Variants in JAKMIP3 observed in about 807,000 individuals in gnomAD.
JAKMIP3 encodes janus kinase and microtubule-interacting protein 3.
A neutral mutation model predicts 118.5 loss-of-function variants in JAKMIP3; 58 were observed. The ratio of observed to expected loss-of-function variants is 0.49; its 90% CI spans 0.40 to 0.61. The LOEUF is 0.61. Among genes scored for constraint, JAKMIP3 ranks in the 20% least tolerant of loss-of-function variants. The pLI is 0.00. For missense variants in JAKMIP3, 950 were observed against 1,109.0 expected (o/e 0.86, Z 2.04); for synonymous variants, 486 against 451.2 (o/e 1.08, Z -0.98).
intron 20 of JAKMIP3, 93 bp downstream of exon 20, chr10:132,163,505 A>ACTACCC (rs1206542226): frequency 8.7e-7 from 1 of 1,153,066 alleles, no homozygotes; most frequent in African/African-American, 1.5e-5. Context: ...ACCTCCAACC[A>ACTACCC]CTACCCCTCT....
chr10:132,063,966 C>G (rs1424389447), upstream of JAKMIP3, among the ~76,000 whole-genome samples: 2 of 152,144 alleles, frequency 1.3e-5, no homozygotes, highest in Non-Finnish European at 2.9e-5. Context: ...ACTATACACA[C>G]TTTTTTAAAC....
intron 1 of JAKMIP3, among the ~76,000 whole-genome samples, chr10:132,067,726 C>A (rs78784418): frequency 8.6e-6 from 1 of 116,424 alleles, no homozygotes; most frequent in Non-Finnish European, 1.8e-5. Context: ...CGTGTGGACT[C>A]TGGGCTTCCA....
intron 8 of JAKMIP3, 79 bp from the exon 9 acceptor site, chr10:132,138,040 C>T: frequency 7.6e-7 from 1 of 1,317,866 alleles, no homozygotes; most frequent in Non-Finnish European, 1.1e-6. Flanking sequence ...CAAATGATGG[C>T]ACACGGGCAG....
At position 132,135,090 on chromosome 10, in the gene JAKMIP3, C is replaced by T. The variant is rs1350223468; in HGVS notation, c.899C>T (p.Ala300Val). The change falls in exon 5 of 24, where the codon GCG (alanine) becomes GTG (valine). Residue 300 changes from alanine to valine, a missense_variant. By Grantham distance (64) the Ala-to-Val change is moderately conservative (BLOSUM62 0). Coordinates refer to ENST00000684848, the MANE Select transcript of JAKMIP3 (RefSeq NM_001323087.2). ...GCCCGGCGCTTCCAGCTTAAAATCG[C>T]GGAGTTAAGTGCGATTATCCGCAAA... ...KDARRFQLKI[A>V]ELSAIIRKLE... 8 of 1,613,608 alleles carry T rather than the reference C, an allele frequency of 5.0e-6. No homozygotes were observed. The highest frequency in any genetic ancestry group is 2.2e-5 in the East Asian group (1 of 44,876).
chr10:132,100,713 G>A (rs967218649), intron 1 of JAKMIP3, among the ~76,000 whole-genome samples: 6 of 152,150 alleles, frequency 3.9e-5, no homozygotes, highest in African/African-American at 9.7e-5. Context: ...TCCGAGGTGC[G>A]GAGCCTCCCA....
intron 3 of JAKMIP3, among the ~76,000 whole-genome samples, chr10:132,129,602 A>T (rs1390138156): frequency 1.3e-5 from 2 of 152,192 alleles, no homozygotes; most frequent in Non-Finnish European, 2.9e-5. Flanking sequence ...AGGTTGCAAG[A>T]ACGCCCTCAG....
intron 9 of JAKMIP3, 62 bp downstream of exon 9, chr10:132,138,240 C>A: frequency 7.0e-7 from 1 of 1,438,586 alleles, no homozygotes; most frequent in Non-Finnish European, 9.6e-7. Flanking sequence ...GAGGACCACG[C>A]CCGCGTGTGT....
chr10:132,152,871 C>A, intron 16 of JAKMIP3, 87 bp from the exon 17 acceptor site: 1 of 1,078,842 alleles, frequency 9.3e-7, no homozygotes, highest in Non-Finnish European at 1.4e-6. Context: ...TCAGCCTCCC[C>A]AGTCAGCTTC....
intron 13 of JAKMIP3, among the ~76,000 whole-genome samples, chr10:132,146,858 G>T (rs1289660764): frequency 6.6e-6 from 1 of 152,240 alleles, no homozygotes; most frequent in Non-Finnish European, 1.5e-5. Context: ...GCTCAGCACA[G>T]TGCTGTGTGT....
Position 132,171,947 on chromosome 10 carries a change from C to G in JAKMIP3, c.*1103+2914C>G, listed in dbSNP as rs1387951978. ...GGGATTACAGGCATGAGCCCCTGCGCCCGGCCTGTCCCTGTCTTGCATAAT... is the reference window on the plus strand; with the variant it reads ...GGGATTACAGGCATGAGCCCCTGCGGCCGGCCTGTCCCTGTCTTGCATAAT... On this transcript the variant is annotated intron_variant, in intron 23 of 23. Coordinates refer to ENST00000684848, the MANE Select transcript of JAKMIP3 (RefSeq NM_001323087.2). Among the ~76,000 whole-genome samples, 7 of 152,282 alleles carry G rather than the reference C, an allele frequency of 4.6e-5. No homozygotes were observed. In the South Asian group the frequency reaches 8.3e-4, roughly 18 times the overall value.
At chr10:132,136,181 G>A in intron 6 of JAKMIP3, 105 bp downstream of exon 6, 1 of 1,248,302 alleles carries the variant, frequency 8.0e-7, no homozygotes. Flanking sequence ...GTCCCGGGCG[G>A]GTGGCCAGGC....
In JAKMIP3 at chr10:132,133,402, C is replaced by T; in HGVS notation, c.724C>T (p.Gln242Ter). ...QAGHAQRLQL[Q>*]KEALDEQLSQ... ...CGGGCATGCTCAGAGACTGCAGCTC[C>T]AAAAAGAGGCTCTAGATGAGCAGCT... Residue 242 changes from glutamine (Q) to a stop codon, truncating the protein, a stop_gained, in exon 4 of 24, where the codon CAA becomes TAA. Transcript: ENST00000684848. LOFTEE classifies it high-confidence loss of function. The T allele has an allele frequency of 6.2e-7, 1 of 1,600,216 alleles. No individual in the cohort carries two copies. The highest frequency in any genetic ancestry group is 8.5e-7 in the Non-Finnish European group (1 of 1,173,594).
At position 132,159,645 on chromosome 10, in the gene JAKMIP3, G is replaced by A. The variant is rs1341982737; in HGVS notation, c.2221-3564G>A. On this transcript the variant is annotated intron_variant, in intron 19 of 23. Transcript: ENST00000684848. ...GTCCTCTTCCTTTGTGATGCTGGGG[G>A]GCCTCTCCCTGTGTGATGCTGGGGG... Among the ~76,000 whole-genome samples, 9 of 66,214 alleles carry A rather than the reference G, an allele frequency of 1.4e-4. No individual in the cohort carries two copies. In the South Asian group the frequency reaches 1.7e-3, roughly 12 times the overall value. The allele number at this position is 66,214 out of a possible 152,430, so 43.4% of individuals were successfully genotyped here. A position where few individuals can be genotyped will look rare whatever the true frequency, so the allele number is the denominator to read the frequency against.
Position 132,047,323 on chromosome 10 carries a change from T to C in JAKMIP3, c.-138+10585T>C, listed in dbSNP as rs542949868. On this transcript the variant is annotated intron_variant, in intron 1 of 23. Transcript: ENST00000657785. ...ACAGGCCATGGGTTATAGTGTCTGG[T>C]GCAGCATTACTGCGTTAATTGATAG... Among the ~76,000 whole-genome samples the C allele has an allele frequency of 4.1e-3, 630 of 152,318 alleles. 2 individuals carry two copies. Among genetic ancestry groups the C allele is most frequent in the African/African-American group, 0.015 (606 of 41,572 alleles).
Position 132,049,233 on chromosome 10 carries a change from G to A in JAKMIP3, c.-138+12495G>A, listed in dbSNP as rs1156889791. 6.6e-6 allele frequency among the ~76,000 whole-genome samples: 1 copy of A among 152,138 alleles called. No homozygotes were observed. The highest frequency in any genetic ancestry group is 1.9e-4 in the East Asian group (1 of 5,192). ...ACCGTGGATTCGGGTCTGTTTCTAT[G>A]TAGGGACGGTCTTCCGGGAGCACAG... On this transcript the variant is annotated intron_variant, in intron 1 of 23. Coordinates refer to the JAKMIP3 transcript ENST00000657785. The surrounding 1 kb of genome is among the most constrained non-coding windows in gnomAD (Gnocchi z 4.3).
chr10:132,156,146 C>T (rs2057066405), intron 19 of JAKMIP3, among the ~76,000 whole-genome samples: 2 of 152,218 alleles, frequency 1.3e-5, no homozygotes. Context: ...TCCCAGCTGC[C>T]CTTACTGGAG....
chr10:132,150,692 C>T (rs928724448), intron 16 of JAKMIP3, among the ~76,000 whole-genome samples: 6 of 152,030 alleles, frequency 3.9e-5, no homozygotes, highest in Admixed American at 1.3e-4. Context: ...ATTTATCCGT[C>T]CTCCATAATC....
intron 11 of JAKMIP3, among the ~76,000 whole-genome samples, chr10:132,143,339 A>G (rs1472363220): frequency 1.3e-5 from 2 of 152,080 alleles, no homozygotes; most frequent in Admixed American, 1.3e-4. Context: ...CCAGAGCCTC[A>G]TGGGCCCAGC....
At chr10:132,106,898 T>A (rs571815908) in intron 2 of JAKMIP3, among the ~76,000 whole-genome samples, 85 of 152,224 alleles carry the variant, frequency 5.6e-4, no homozygotes, top group African/African-American at 1.7e-3. Flanking sequence ...TATCTTTTTT[T>A]AAAAAAACAA....
Sources: gnomAD v4.1 joint callset for allele counts (sites outside exome capture counted in the v4.1 genomes callset) on GRCh38, gnomAD v4.1.1 for gene constraint, Gnocchi (gnomAD v3.1) non-coding constraint, MANE v1.5 for transcripts, NCBI Gene and HGNC (gene_info 2026-07-23, HGNC 2026-07-21) for gene names.